ZFHX3: variants seen among roughly 807,000 people sequenced by gnomAD.
ZFHX3 encodes the protein zinc finger homeobox protein 3.
In ZFHX3, 42 loss-of-function variants were observed where a neutral mutation model predicts 279.1. The ratio of observed to expected loss-of-function variants is 0.15; its 90% CI spans 0.12 to 0.19. ZFHX3 has a LOEUF of 0.19. Among genes scored for constraint, ZFHX3 ranks in the 10% least tolerant of loss-of-function variants. ZFHX3 has a pLI of 1.00. For synonymous variants in ZFHX3, 2,293 were observed against 1,957.8 expected, an observed-to-expected ratio of 1.17 and a Z score of -4.52; for missense variants, 4,981 against 4,754.0, an observed-to-expected ratio of 1.05 and a Z score of -1.40.
intron 2 of ZFHX3, among the ~76,000 whole-genome samples, chr16:73,515,549 A>C (rs937459438): frequency 6.7e-6 from 1 of 148,548 alleles, no homozygotes; most frequent in East Asian, 1.9e-4. Context: ...AGAGGAAGAG[A>C]GGGAGAGAAA....
intron 6 of ZFHX3, among the ~76,000 whole-genome samples, chr16:73,136,725 CAA>C (rs397855836): frequency 5.5e-3 from 231 of 41,634 alleles, no homozygotes; most frequent in Middle Eastern, 0.021. Flanking sequence ...GACTCTGCCT[CAA>C]AAAAAAAAAA....
intron 3 of ZFHX3, among the ~76,000 whole-genome samples, chr16:73,453,966 A>C (rs1400436243): frequency 6.6e-6 from 1 of 152,116 alleles, no homozygotes; most frequent in East Asian, 1.9e-4. Flanking sequence ...GTAATTCAAG[A>C]TGAGATTTGG....
intron 2 of ZFHX3, among the ~76,000 whole-genome samples, chr16:73,668,641 T>C (rs1057014055): frequency 1.3e-4 from 10 of 77,050 alleles, no homozygotes; most frequent in African/African-American, 7.7e-4. Context: ...AAACTCATCC[T>C]TTTTTTTTTT....
chr16:73,707,622 G>A lies in ZFHX3; in HGVS notation c.-1607-27382C>T, dbSNP rs190971142. ...GGGGGAGGGGGGAGGGATAGCATTAGGAGATATACCTAATGCTAAATGACA... is the reference window on the plus strand; with the variant it reads ...GGGGGAGGGGGGAGGGATAGCATTAAGAGATATACCTAATGCTAAATGACA... On this transcript the variant is annotated intron_variant, in intron 1 of 17. Transcript: ENST00000641206. 2.5e-3 allele frequency among the ~76,000 whole-genome samples: 373 copies of A among 150,950 alleles called. 1 individual carries two copies. The Middle Eastern group carries it at 0.049, about 20-fold the overall frequency.
chr16:73,440,913 A>T (rs1426707229), intron 3 of ZFHX3, among the ~76,000 whole-genome samples: 1 of 152,212 alleles, frequency 6.6e-6, no homozygotes, highest in Non-Finnish European at 1.5e-5. Context: ...TAGCAAATAG[A>T]TTCATCTTTA....
chr16:73,838,205 G>A, intron 1 of ZFHX3, among the ~76,000 whole-genome samples: 1 of 152,336 alleles, frequency 6.6e-6, no homozygotes, highest in African/African-American at 2.4e-5. Flanking sequence ...CCTTTCTTCT[G>A]TTAGGACTTA....
At chr16:72,799,130 A>T (rs1284599793) in intron 8 of ZFHX3, among the ~76,000 whole-genome samples, 1 of 152,218 alleles carries the variant, frequency 6.6e-6, no homozygotes, top group Non-Finnish European at 1.5e-5. Flanking sequence ...AGCACAGTAG[A>T]TCTGAAGTGT....
intron 1 of ZFHX3, among the ~76,000 whole-genome samples, chr16:73,766,773 C>T (rs1033636726): frequency 1.3e-5 from 2 of 152,098 alleles, no homozygotes; most frequent in African/African-American, 4.8e-5. Context: ...TGTCGCCACT[C>T]ACTGTGCCCA....
In ZFHX3 at chr16:72,957,806, C is replaced by A. The variant is rs377618377; in HGVS notation, c.2340G>T (p.Ala780=). 3.1e-6 allele frequency: 5 copies of A among 1,590,032 alleles called. No homozygotes were observed. The Admixed American group carries it at 8.4e-5, about 27-fold the overall frequency. ...AGCTACTGATATTGGCTGCCGCCGCCGCCGCAGCCACCGCCGCCGCCGCCG... is the reference window on the plus strand; with the variant it reads ...AGCTACTGATATTGGCTGCCGCCGCAGCCGCAGCCACCGCCGCCGCCGCCG... The part of the protein sequence containing the change: ...AGAAAAAVAA[A]AAAANISSSC... The change falls in exon 2 of 10, where the codon GCG becomes GCT. Residue 780 remains alanine, a synonymous_variant. Transcript: ENST00000268489.
At chr16:72,804,966 T>TTTTA (rs10659744) in intron 7 of ZFHX3, among the ~76,000 whole-genome samples, 13,736 of 151,358 alleles carry the variant, frequency 0.091, 2,088 homozygotes, top group African/African-American at 0.31. Context: ...AGCAGAGAGA[T>TTTTA]TTTATTTATT....
At chr16:73,026,693 A>AAAAAAC (rs201116956) in intron 1 of ZFHX3, among the ~76,000 whole-genome samples, 3,632 of 143,668 alleles carry the variant, frequency 0.025, 57 homozygotes, top group Middle Eastern at 0.041. Context: ...AAAAAAAAAA[A>AAAAAAC]AACACATAGT....
chr16:73,570,627 C>T (rs775050073), intron 2 of ZFHX3, among the ~76,000 whole-genome samples: 11 of 152,190 alleles, frequency 7.2e-5, no homozygotes, highest in Non-Finnish European at 1.3e-4. Flanking sequence ...GTTTCTTGGG[C>T]ATGAGCTTGA....
chr16:73,103,689 T>C (rs1326101275), intron 7 of ZFHX3, among the ~76,000 whole-genome samples: 1 of 152,202 alleles, frequency 6.6e-6, no homozygotes, highest in Non-Finnish European at 1.5e-5. Flanking sequence ...GAATATTTTC[T>C]GTGTTTACTA....
At chr16:73,274,638 A>G (rs144902026) in intron 4 of ZFHX3, among the ~76,000 whole-genome samples, 6 of 152,302 alleles carry the variant, frequency 3.9e-5, no homozygotes, top group Non-Finnish European at 8.8e-5. Context: ...GTTTAAGTCT[A>G]TGTCTGGATT....
intron 4 of ZFHX3, among the ~76,000 whole-genome samples, chr16:73,295,644 G>C (rs1362741633): frequency 6.6e-6 from 1 of 152,166 alleles, no homozygotes; most frequent in African/African-American, 2.4e-5. Flanking sequence ...TTCAGTTAAT[G>C]GCACAGATGG....
chr16:73,687,262 C>G (rs1198004008), intron 1 of ZFHX3, among the ~76,000 whole-genome samples: 1 of 149,954 alleles, frequency 6.7e-6, no homozygotes, highest in Non-Finnish European at 1.5e-5. Flanking sequence ...AATGGTGGCA[C>G]ACACCTGTAG....
intron 5 of ZFHX3, among the ~76,000 whole-genome samples, chr16:73,186,360 G>C (rs1445415842): frequency 6.6e-6 from 1 of 152,056 alleles, no homozygotes; most frequent in East Asian, 1.9e-4. Context: ...CTTAGGCTGT[G>C]TGATCGTGAA....
chr16:73,248,253 T>G (rs1489800792), intron 5 of ZFHX3, among the ~76,000 whole-genome samples: 2 of 152,010 alleles, frequency 1.3e-5, no homozygotes, highest in Non-Finnish European at 2.9e-5. Context: ...TGTGTTTATG[T>G]GCGTGTATGT....
intron 3 of ZFHX3, among the ~76,000 whole-genome samples, chr16:72,918,772 T>A (rs565412380): frequency 1.3e-5 from 2 of 151,204 alleles, no homozygotes; most frequent in Non-Finnish European, 2.9e-5. Flanking sequence ...CTCGGCTCAC[T>A]GCAAGCTCTG....
Sources: allele counts gnomAD v4.1 joint callset (sites outside exome capture counted in the v4.1 genomes callset), GRCh38; gene constraint gnomAD v4.1.1; transcripts MANE v1.5; gene names NCBI Gene and HGNC (gene_info 2026-07-23, HGNC 2026-07-21).